TMEM65: variants seen among roughly 807,000 people sequenced by gnomAD.
TMEM65 encodes transmembrane protein 65.
Under a neutral mutation model 25.4 loss-of-function variants are expected in TMEM65, and 22 were observed. The ratio of observed to expected loss-of-function variants is 0.86; its 90% CI spans 0.62 to 1.23. The LOEUF is 1.23. TMEM65 is among the 50% of genes most tolerant of loss of function. The pLI is 0.00. For synonymous variants in TMEM65, 132 were observed against 126.2 expected, an observed-to-expected ratio of 1.05 and a Z score of -0.31; for missense variants, 262 against 308.2, an observed-to-expected ratio of 0.85 and a Z score of 1.12.
chr8:124,321,605 G>A (rs1036941543), intron 5 of TMEM65, among the ~76,000 whole-genome samples: 1 of 152,044 alleles, frequency 6.6e-6, no homozygotes, highest in African/African-American at 2.4e-5. Context: ...TCCTTTGAAA[G>A]TTCCCCCCTC....
At chr8:124,329,334 T>C (rs1355581848) in intron 2 of TMEM65, among the ~76,000 whole-genome samples, 2 of 151,940 alleles carry the variant, frequency 1.3e-5, no homozygotes, top group Non-Finnish European at 2.9e-5. Flanking sequence ...TATAATGAAA[T>C]TCTAAAAAAT....
At chr8:124,358,214 A>G (rs1051087456) in intron 1 of TMEM65, among the ~76,000 whole-genome samples, 3 of 152,210 alleles carry the variant, frequency 2.0e-5, no homozygotes, top group Non-Finnish European at 2.9e-5. Flanking sequence ...AATCTATAAA[A>G]TAGAGATAAT....
chr8:124,308,191 T>C lies in TMEM65; in HGVS notation c.*5769A>G, dbSNP rs140141452. 9 of 152,296 alleles carry C rather than the reference T, an allele frequency of 5.9e-5. No individual in the cohort carries two copies. The highest frequency in any genetic ancestry group is 5.8e-4 in the East Asian group (3 of 5,186). The allele number at this position is 152,296 out of a possible 1,614,324, so 9.4% of individuals were successfully genotyped here. On this transcript the variant is annotated 3_prime_UTR_variant, in exon 7 of 7. Coordinates refer to ENST00000297632, the MANE Select transcript of TMEM65 (RefSeq NM_194291.3). The stretch of plus-strand genomic sequence containing the variant: ...TAAAGGACTGCCTTTTAAAGTTGTT[T>C]TGATACTGGACAATGCCCCTGGCCA...
At chr8:124,369,726 T>C (rs1814987881) in intron 1 of TMEM65, among the ~76,000 whole-genome samples, 1 of 152,212 alleles carries the variant, frequency 6.6e-6, no homozygotes, top group Non-Finnish European at 1.5e-5. Context: ...TTTACCTTAA[T>C]GATTAATGAA....
In TMEM65 at chr8:124,361,980, T is replaced by C. The variant is rs548242005; in HGVS notation, c.304+9874A>G. On this transcript the variant is annotated intron_variant, in intron 1 of 6. Coordinates refer to ENST00000297632, the MANE Select transcript of TMEM65 (RefSeq NM_194291.3). Reference sequence around the variant, plus strand: ...ATCTCGGCTCACTGCAACCTCTGCCTCCTGGGTTCAAGCACTTCTCCTGCC... The same window carrying C: ...ATCTCGGCTCACTGCAACCTCTGCCCCCTGGGTTCAAGCACTTCTCCTGCC... Among the ~76,000 whole-genome samples, 9 of 151,704 alleles carry C rather than the reference T, an allele frequency of 5.9e-5. No homozygotes were observed. The South Asian group carries it at 1.9e-3, about 32-fold the overall frequency.
At chr8:124,327,446 A>G in intron 2 of TMEM65, 25 bp from the exon 3 acceptor site, 1 of 1,483,214 alleles carries the variant, frequency 6.7e-7, no homozygotes. Context: ...AAACAGAAAA[A>G]TATATTTTAA....
At chr8:124,362,315 T>A (rs886458137) in intron 1 of TMEM65, among the ~76,000 whole-genome samples, 1 of 152,002 alleles carries the variant, frequency 6.6e-6, no homozygotes, top group African/African-American at 2.4e-5. Flanking sequence ...AGGAATTTTT[T>A]AAAAGATACA....
At chr8:124,321,067 T>C (rs1282131578) in intron 5 of TMEM65, among the ~76,000 whole-genome samples, 1 of 152,172 alleles carries the variant, frequency 6.6e-6, no homozygotes, top group African/African-American at 2.4e-5. Context: ...TTTACTTTAA[T>C]GTTGGAAACT....
chr8:124,309,300 C>T lies in TMEM65; in HGVS notation c.*4660G>A, dbSNP rs1330721000. On this transcript the variant is annotated 3_prime_UTR_variant, in exon 7 of 7. Transcript: ENST00000297632. The stretch of plus-strand genomic sequence containing the variant: ...TTTCAGCAGCACAGGGGGTTGGTGT[C>T]CCTAATCCCTCCATTGTTCAAGAGT... 1 of 152,182 alleles carries T rather than the reference C, an allele frequency of 6.6e-6. No individual in the cohort carries two copies. The highest frequency in any genetic ancestry group is 6.5e-5 in the Admixed American group (1 of 15,278). 9.4% of individuals were successfully genotyped at this position (152,182 alleles called of 1,614,324 possible). A position where few individuals can be genotyped will look rare whatever the true frequency, so the allele number is the denominator to read the frequency against.
intron 1 of TMEM65, among the ~76,000 whole-genome samples, chr8:124,356,212 C>G (rs554755997): frequency 6.6e-6 from 1 of 152,028 alleles, no homozygotes; most frequent in African/African-American, 2.4e-5. Flanking sequence ...CTGTTTTACC[C>G]ATCTCTCCCC....
chr8:124,372,498 G>C lies in TMEM65; in HGVS notation c.-341C>G, dbSNP rs999170939. 5.0e-5 allele frequency: 8 copies of C among 158,788 alleles called. No individual in the cohort carries two copies. The East Asian group carries it at 1.5e-3, about 30-fold the overall frequency. 9.8% of individuals were successfully genotyped at this position (158,788 alleles called of 1,614,324 possible). On this transcript the variant is annotated 5_prime_UTR_variant, in exon 1 of 7. Transcript: ENST00000297632. ...CGGCGCGGGCGGGCGGGGCGGGCTA[G>C]TGTGTGTCTCTGTCAGTCTGATCTT...
At chr8:124,356,817 C>CA (rs34491254) in intron 1 of TMEM65, among the ~76,000 whole-genome samples, 55,892 of 151,832 alleles carry the variant, frequency 0.37, 10,548 homozygotes, top group East Asian at 0.56. Context: ...TAGTGTTCTT[C>CA]CCACCTCAGC....
At position 124,313,087 on chromosome 8, in the gene TMEM65, CCTT is replaced by C. The variant is rs1270617896; in HGVS notation, c.*870_*872del. 3 of 151,792 alleles carry C rather than the reference CCTT, an allele frequency of 2.0e-5. No homozygotes were observed. Among genetic ancestry groups the C allele is most frequent in the African/African-American group, 4.8e-5 (2 of 41,394 alleles). The allele number at this position is 151,792 out of a possible 1,614,324, so 9.4% of individuals were successfully genotyped here. ...CCTTCTTGACAGTTCCTATTTTCCA[CCTT>C]TTTTTAAAAAAAGCTTTAGTCTCTT... is the stretch of plus-strand genomic sequence containing the variant. On this transcript the variant is annotated 3_prime_UTR_variant, in exon 7 of 7. Transcript: ENST00000297632.
chr8:124,358,502 T>A (rs932418294), intron 1 of TMEM65, among the ~76,000 whole-genome samples: 1 of 152,210 alleles, frequency 6.6e-6, no homozygotes, highest in Non-Finnish European at 1.5e-5. Context: ...CATACTCCAA[T>A]GCATTCATAG....
At chr8:124,332,813 TA>T (rs1203547700) in intron 1 of TMEM65, among the ~76,000 whole-genome samples, 2 of 151,992 alleles carry the variant, frequency 1.3e-5, no homozygotes, top group Admixed American at 6.6e-5. Flanking sequence ...ATATTATTAT[TA>T]TTTTTTTGAG....
chr8:124,336,011 G>A (rs371547848), intron 1 of TMEM65, among the ~76,000 whole-genome samples: 1 of 151,988 alleles, frequency 6.6e-6, no homozygotes, highest in East Asian at 1.9e-4. Context: ...TAGGTTGAAA[G>A]TAAATGGATG....
chr8:124,325,958 T>C (rs1303376920), intron 3 of TMEM65, among the ~76,000 whole-genome samples: 1 of 152,022 alleles, frequency 6.6e-6, no homozygotes, highest in Admixed American at 6.6e-5. Flanking sequence ...ACACGTGATC[T>C]CCAAAACACC....
In TMEM65 at chr8:124,320,142, G is replaced by C. The variant is rs891136003; in HGVS notation, c.565C>G (p.Pro189Ala). Residue 189 changes from proline (P) to alanine (A), a missense_variant, in exon 6 of 7, where the codon CCT becomes GCT. Coordinates refer to ENST00000297632, the MANE Select transcript of TMEM65 (RefSeq NM_194291.3). ...TCAACTTGCTTTGGTGTGAGATCAG[G>C]AATTGACAGGCCTAACCTGGAAGCC... ...ALASRLGLSI[P>A]DLTPKQVDMW... 1 of 1,613,368 alleles carries C rather than the reference G, an allele frequency of 6.2e-7. No individual in the cohort carries two copies. The highest frequency in any genetic ancestry group is 8.5e-7 in the Non-Finnish European group (1 of 1,179,498).
intron 1 of TMEM65, 89 bp from the exon 2 acceptor site, chr8:124,330,881 C>A: frequency 8.3e-7 from 1 of 1,210,514 alleles, no homozygotes; most frequent in Non-Finnish European, 1.2e-6. Flanking sequence ...AGAAGATTTA[C>A]AACGTGGGAG....
Sources: gnomAD v4.1 joint callset for allele counts (sites outside exome capture counted in the v4.1 genomes callset) on GRCh38, gnomAD v4.1.1 for gene constraint, MANE v1.5 for transcripts, NCBI Gene and HGNC (gene_info 2026-07-23, HGNC 2026-07-21) for gene names.